Variants in GOLGA4 observed in about 807,000 individuals in gnomAD.
The protein encoded by GOLGA4 is golgin A4.
In GOLGA4, 169 loss-of-function variants were observed where a neutral mutation model predicts 265.9. The ratio of observed to expected loss-of-function variants is 0.64; its 90% CI spans 0.56 to 0.72. GOLGA4 has a LOEUF of 0.72. Among genes scored for constraint, GOLGA4 ranks in the 30% least tolerant of loss-of-function variants. GOLGA4 has a pLI of 0.00. For missense variants in GOLGA4, 2,482 were observed against 2,483.4 expected (o/e 1.00, Z 0.01); for synonymous variants, 923 against 855.8 (o/e 1.08, Z -1.37).
intron 10 of GOLGA4, chr3:37,302,883 A>G (rs902271373): frequency 3.3e-5 from 5 of 152,420 alleles, no homozygotes; most frequent in Admixed American, 3.3e-4. Flanking sequence ...CCAGCATAGT[A>G]TTCAACAAGG....
At chr3:37,349,451 G>T (rs2097066876) in intron 21 of GOLGA4, among the ~76,000 whole-genome samples, 1 of 152,148 alleles carries the variant, frequency 6.6e-6, no homozygotes, top group South Asian at 2.1e-4. Context: ...TGGAGGGGTA[G>T]CCCAGACAGG....
intron 5 of GOLGA4, among the ~76,000 whole-genome samples, chr3:37,289,857 T>G (rs2096860372): frequency 2.0e-5 from 3 of 152,172 alleles, no homozygotes; most frequent in Admixed American, 2.0e-4. Flanking sequence ...TCCCTCTGCT[T>G]TCTCCTATAC....
chr3:37,279,067 T>C (rs1158857961), intron 2 of GOLGA4, among the ~76,000 whole-genome samples: 1 of 152,210 alleles, frequency 6.6e-6, no homozygotes, highest in African/African-American at 2.4e-5. Context: ...GACGGGGGGA[T>C]GCTTACTATG....
intron 10 of GOLGA4, among the ~76,000 whole-genome samples, chr3:37,312,223 C>CT (rs2096924906): frequency 6.6e-6 from 1 of 152,070 alleles, no homozygotes; most frequent in Non-Finnish European, 1.5e-5. Flanking sequence ...TTGTCATAAC[C>CT]TTTTTTCATT....
rs7612879 is a variant in GOLGA4 at position 37,333,133 on chromosome 3, T to G, written c.6193-1920T>G. 9.6e-3 allele frequency among the ~76,000 whole-genome samples: 1,457 copies of G among 152,306 alleles called. 36 individuals carry two copies. The highest frequency in any genetic ancestry group is 0.033 in the African/African-American group (1,368 of 41,560). On this transcript the variant is annotated intron_variant, in intron 16 of 23. Transcript: ENST00000361924. ...CATTTGGGAGAAGGGCATGGTGACTTGCAAGTTGGAGACTCACAAGTAGGG... is the reference window on the plus strand; with the variant it reads ...CATTTGGGAGAAGGGCATGGTGACTGGCAAGTTGGAGACTCACAAGTAGGG...
Position 37,325,459 on chromosome 3 carries a change from A to C in GOLGA4, c.3573A>C (p.Ser1191=). The C allele has an allele frequency of 6.2e-7, 1 of 1,611,728 alleles. No homozygotes were observed. Among genetic ancestry groups the C allele is most frequent in the Non-Finnish European group, 8.5e-7 (1 of 1,179,300 alleles). Residue 1191 remains serine (S), a synonymous_variant, in exon 14 of 24, where the codon TCA becomes TCC. Coordinates refer to ENST00000361924, the MANE Select transcript of GOLGA4 (RefSeq NM_002078.5). ...AAGAATTCCAGAGTTTGAAATCTTCACATGAAAAAAGTAACAAAAGCCTAG... is the reference window on the plus strand; with the variant it reads ...AAGAATTCCAGAGTTTGAAATCTTCCCATGAAAAAAGTAACAAAAGCCTAG... ...TDEEFQSLKS[S]HEKSNKSLED...
intron 6 of GOLGA4, 130 bp downstream of exon 6, chr3:37,295,207 C>T: frequency 1.9e-6 from 1 of 525,818 alleles, no homozygotes. Flanking sequence ...TTTTGCTTTC[C>T]TCAATTTTTT....
At chr3:37,268,212 T>A (rs1016411006) in intron 2 of GOLGA4, among the ~76,000 whole-genome samples, 1 of 151,982 alleles carries the variant, frequency 6.6e-6, no homozygotes, top group Non-Finnish European at 1.5e-5. Context: ...CTCCCAAGTA[T>A]GTGGGACCAC....
intron 6 of GOLGA4, among the ~76,000 whole-genome samples, chr3:37,295,523 A>G (rs2096875884): frequency 6.6e-6 from 1 of 152,222 alleles, no homozygotes; most frequent in Admixed American, 6.5e-5. Flanking sequence ...CTAGCTCTTC[A>G]GTTAATGTTA....
intron 2 of GOLGA4, among the ~76,000 whole-genome samples, chr3:37,271,027 A>G (rs1157548029): frequency 6.6e-6 from 1 of 152,048 alleles, no homozygotes; most frequent in Non-Finnish European, 1.5e-5. Context: ...TAGATCCTTC[A>G]TATGCACAGT....
At chr3:37,281,324 A>G (rs1341947655) in intron 2 of GOLGA4, among the ~76,000 whole-genome samples, 1 of 152,162 alleles carries the variant, frequency 6.6e-6, no homozygotes, top group African/African-American at 2.4e-5. Context: ...TTTTATTCCT[A>G]GTAGACAAAT....
At chr3:37,260,399 A>G (rs2096766363) in intron 2 of GOLGA4, among the ~76,000 whole-genome samples, 1 of 151,772 alleles carries the variant, frequency 6.6e-6, no homozygotes, top group South Asian at 2.1e-4. Flanking sequence ...AGTAGGGTGG[A>G]TTACTTGAGG....
chr3:37,357,501 T>C (rs939751791), intron 22 of GOLGA4, among the ~76,000 whole-genome samples: 40 of 152,306 alleles, frequency 2.6e-4, no homozygotes, highest in African/African-American at 7.0e-4. Context: ...TTAGGAAATA[T>C]GAAATTTTAT....
chr3:37,270,950 C>T (rs2096797036), intron 2 of GOLGA4, among the ~76,000 whole-genome samples: 1 of 151,866 alleles, frequency 6.6e-6, no homozygotes, highest in South Asian at 2.1e-4. Context: ...TAGATGGTCC[C>T]TTCTGAGGGT....
chr3:37,321,654 A>G, intron 12 of GOLGA4, 77 bp from the exon 13 acceptor site: 1 of 1,299,158 alleles, frequency 7.7e-7, no homozygotes, highest in Non-Finnish European at 1.1e-6. Flanking sequence ...AAAGAAATGA[A>G]TGATTCCTGG....
At chr3:37,268,562 T>A (rs563166355) in intron 2 of GOLGA4, among the ~76,000 whole-genome samples, 2 of 152,258 alleles carry the variant, frequency 1.3e-5, no homozygotes, top group Admixed American at 1.3e-4. Flanking sequence ...AAAGTGGGGC[T>A]TTAAAACCTT....
At chr3:37,311,053 T>C (rs997149880) in intron 10 of GOLGA4, among the ~76,000 whole-genome samples, 1 of 152,200 alleles carries the variant, frequency 6.6e-6, no homozygotes, top group Non-Finnish European at 1.5e-5. Context: ...AATTCACTTT[T>C]AGAATATTAG....
chr3:37,266,303 G>A (rs1056815006), intron 2 of GOLGA4, among the ~76,000 whole-genome samples: 4 of 151,952 alleles, frequency 2.6e-5, no homozygotes, highest in East Asian at 1.9e-4. Flanking sequence ...AGGTTCAAGC[G>A]ATTCTCCTGC....
intron 2 of GOLGA4, chr3:37,266,934 CAG>C (rs1383752527): frequency 7.9e-7 from 1 of 1,270,026 alleles, no homozygotes; most frequent in Non-Finnish European, 1.0e-6. Flanking sequence ...CACAGAGTGA[CAG>C]TGTGGTGAGT....
Sources: gnomAD v4.1 joint callset for allele counts (sites outside exome capture counted in the v4.1 genomes callset) on GRCh38, gnomAD v4.1.1 for gene constraint, MANE v1.5 for transcripts, NCBI Gene and HGNC (gene_info 2026-07-23, HGNC 2026-07-21) for gene names.